FRYL: variants seen among roughly 807,000 people sequenced by gnomAD.
FRYL encodes the protein FRY like transcription coactivator.
FRYL carries 150 observed loss-of-function variants against 351.2 expected under a neutral mutation model. The ratio of observed to expected loss-of-function variants is 0.43; its 90% CI spans 0.37 to 0.49. The LOEUF (loss-of-function observed/expected upper bound fraction) is 0.49. FRYL is among the 20% of genes least tolerant of loss of function. FRYL has a pLI of 0.00. For synonymous variants in FRYL, 1,153 were observed against 1,257.1 expected (o/e 0.92, Z 1.75); for missense variants, 3,036 against 3,619.3 (o/e 0.84, Z 4.13).
intron 3 of FRYL, among the ~76,000 whole-genome samples, chr4:48,654,885 G>A (rs1295788371): frequency 6.6e-6 from 1 of 152,120 alleles, no homozygotes; most frequent in African/African-American, 2.4e-5. Context: ...GAAGAAAAAT[G>A]TCTTGGCCTC....
intron 3 of FRYL, among the ~76,000 whole-genome samples, 173 bp from the exon 4 acceptor site, chr4:48,634,663 T>C (rs369674363): frequency 1.3e-5 from 2 of 152,194 alleles, no homozygotes; most frequent in South Asian, 4.1e-4. Flanking sequence ...TATAATTTAA[T>C]TACATATCAT....
At chr4:48,517,461 T>C (rs1723871296) in intron 55 of FRYL, among the ~76,000 whole-genome samples, 1 of 152,218 alleles carries the variant, frequency 6.6e-6, no homozygotes, top group African/African-American at 2.4e-5. Flanking sequence ...TTGGGGCTGT[T>C]AGAATGGATT....
rs868736896 is a variant in FRYL at position 48,697,219 on chromosome 4, T to C, written c.-203-12424A>G. ...GACATTTCTTATAACAGCCTGAAAA[T>C]TATGACTCTTACTTTCTTTCCATTT... On this transcript the variant is annotated intron_variant, in intron 2 of 63. Transcript: ENST00000358350. 2.6e-5 allele frequency among the ~76,000 whole-genome samples: 4 copies of C among 152,150 alleles called. 1 individual carries two copies. The highest frequency in any genetic ancestry group is 3.4e-3 in the Middle Eastern group (1 of 294).
chr4:48,590,630 A>G, intron 17 of FRYL, 29 bp downstream of exon 17: 1 of 1,496,012 alleles, frequency 6.7e-7, no homozygotes, highest in South Asian at 1.2e-5. Context: ...CTGTATTACA[A>G]AGCAACATTT....
intron 47 of FRYL, among the ~76,000 whole-genome samples, chr4:48,539,703 G>C (rs1482866340): frequency 6.6e-6 from 1 of 152,150 alleles, no homozygotes; most frequent in Non-Finnish European, 1.5e-5. Context: ...AACAGACAGA[G>C]AGGCAGAAGT....
Position 48,575,131 on chromosome 4 carries a change from G to A in FRYL, c.2832C>T (p.Asn944=), listed in dbSNP as rs772106986. The change falls in exon 25 of 64, where the codon AAC becomes AAT. Residue 944 remains asparagine (N), a synonymous_variant. Transcript: ENST00000358350. ...ESLVLGLGRT[N]PGAFRELIEE... is the part of the protein sequence containing the mutation. The stretch of plus-strand genomic sequence containing the variant: ...AACATAGTTACCTAAAAGCTCCTGG[G>A]TTGGTCCTGCCAAGACCTAGAACAA... The A allele has an allele frequency of 6.3e-5, 102 of 1,613,362 alleles. 1 individual carries two copies. In the Middle Eastern group the frequency reaches 8.2e-4, roughly 13 times the overall value.
chr4:48,578,456 T>C (rs1740156528), intron 23 of FRYL, among the ~76,000 whole-genome samples: 1 of 152,206 alleles, frequency 6.6e-6, no homozygotes, highest in Non-Finnish European at 1.5e-5. Flanking sequence ...CTAACTGAAA[T>C]TTATAATGAC....
chr4:48,648,231 A>AC, intron 3 of FRYL, among the ~76,000 whole-genome samples: 1 of 152,270 alleles, frequency 6.6e-6, no homozygotes, highest in East Asian at 1.9e-4. Flanking sequence ...TGATGAAATC[A>AC]CCCCAATCAC....
intron 1 of FRYL, among the ~76,000 whole-genome samples, chr4:48,715,612 T>G (rs375991366): frequency 1.9e-3 from 295 of 151,468 alleles, no homozygotes; most frequent in East Asian, 0.015. Context: ...CACTGCTCAA[T>G]GAAATAAAAG....
In FRYL at chr4:48,567,331, T is replaced by C; in HGVS notation, c.3086A>G (p.Glu1029Gly). 1 of 1,613,170 alleles carries C rather than the reference T, an allele frequency of 6.2e-7. No individual in the cohort carries two copies. Among genetic ancestry groups the C allele is most frequent in the East Asian group, 2.2e-5 (1 of 44,776 alleles). Residue 1029 changes from glutamate to glycine, a missense_variant, in exon 28 of 64, where the codon GAA becomes GGA. Glu to Gly is a moderately conservative substitution (Grantham distance 98, BLOSUM62 -2). This residue lies in a region of FRYL where 492 missense variants were observed against 551.5 expected (regional missense o/e 0.89). Coordinates refer to ENST00000358350, the MANE Select transcript of FRYL (RefSeq NM_015030.2). This position sits in a 1 kb window ranked among gnomAD's most constrained non-coding sequence, Gnocchi z 4.2. ...VDLTRQLLEA[E>G]NEKDSDTLKD... ...CAGTGTGTCAGAGTCTTTTTCATTT[T>C]CTGCTTCCAGGAGTTGTCTAGTTAA...
chr4:48,543,905 T>C lies in FRYL; in HGVS notation c.5494A>G (p.Ile1832Val). Residue 1832 changes from isoleucine to valine, a missense_variant, in exon 44 of 64, where the codon ATT becomes GTT. By Grantham distance (29) the Ile-to-Val change is conservative (BLOSUM62 3). Around this residue, in one of 7 missense-constraint regions of FRYL, gnomAD observed 1,987 missense variants for 2,311.7 expected, o/e 0.86. Transcript: ENST00000358350. The part of the protein sequence containing the change: ...SRHYAGRSFQ[I>V]FRALKQPLTA... Reference sequence around the variant, plus strand: ...AGAGGCTGCTTTAGGGCCCTGAAAATCTGAAAGGATCTCCCAGCATAGTGT... The same window carrying C: ...AGAGGCTGCTTTAGGGCCCTGAAAACCTGAAAGGATCTCCCAGCATAGTGT... 1 of 1,613,840 alleles carries C rather than the reference T, an allele frequency of 6.2e-7. No homozygotes were observed. Among genetic ancestry groups the C allele is most frequent in the Non-Finnish European group, 8.5e-7 (1 of 1,179,854 alleles).
chr4:48,563,099 C>CT, intron 31 of FRYL, 111 bp from the exon 32 acceptor site: 3 of 638,746 alleles, frequency 4.7e-6, no homozygotes, highest in Non-Finnish European at 8.2e-6. Flanking sequence ...TCTTCTAAGC[C>CT]TATGAGGAGA....
chr4:48,688,131 T>C (rs1765340947), intron 2 of FRYL, among the ~76,000 whole-genome samples: 2 of 152,216 alleles, frequency 1.3e-5, no homozygotes, highest in Admixed American at 1.3e-4. Context: ...GAAATTCATA[T>C]TTCAACTAAA....
intron 1 of FRYL, among the ~76,000 whole-genome samples, chr4:48,751,441 A>T (rs1415864283): frequency 6.6e-6 from 1 of 152,232 alleles, no homozygotes; most frequent in Admixed American, 6.5e-5. Context: ...ATCCCAAATG[A>T]TTAAACAAGT....
Position 48,590,664 on chromosome 4 carries a change from A to C in FRYL, c.1502T>G (p.Val501Gly). ...TTAATTTCAATTAAACTAACCTATG[A>C]CTTTTGCTTCTTCATCTGTCAAGGT... is the stretch of plus-strand genomic sequence containing the variant. ...NKTLTDEEAKVIGMSVYYPQV... is the reference protein window; with the variant it reads ...NKTLTDEEAKGIGMSVYYPQV... The change falls in exon 17 of 64, where the codon GTC becomes GGC. Residue 501 changes from valine to glycine, a missense_variant. Val to Gly is a moderately radical substitution (Grantham distance 109). Around this residue, in one of 7 missense-constraint regions of FRYL, gnomAD observed 78 missense variants for 106.6 expected, o/e 0.73. Coordinates refer to ENST00000358350, the MANE Select transcript of FRYL (RefSeq NM_015030.2). 2 of 1,598,938 alleles carry C rather than the reference A, an allele frequency of 1.3e-6. 1 individual carries two copies. The highest frequency in any genetic ancestry group is 2.2e-5 in the South Asian group (2 of 89,308).
intron 56 of FRYL, among the ~76,000 whole-genome samples, chr4:48,514,118 C>A (rs6811148): frequency 0.41 from 62,568 of 151,892 alleles, 14,122 homozygotes; most frequent in Admixed American, 0.55. Flanking sequence ...TGTGTTAAAA[C>A]TCTATTATCA....
Position 48,698,696 on chromosome 4 carries a change from T to C in FRYL, c.-204+11823A>G, listed in dbSNP as rs74871870. On this transcript the variant is annotated intron_variant, in intron 2 of 63. Coordinates refer to ENST00000358350, the MANE Select transcript of FRYL (RefSeq NM_015030.2). ...ACATTCCAAATTAGTTTGGTCACTA[T>C]GGATGACCATATAGAACATGCCACC... Among the ~76,000 whole-genome samples, 240 of 152,324 alleles carry C rather than the reference T, an allele frequency of 1.6e-3. 1 individual carries two copies. The highest frequency in any genetic ancestry group is 5.6e-3 in the African/African-American group (232 of 41,580).
chr4:48,728,186 T>C (rs1009733121), intron 1 of FRYL, among the ~76,000 whole-genome samples: 7 of 152,118 alleles, frequency 4.6e-5, no homozygotes, highest in African/African-American at 1.4e-4. Flanking sequence ...TGGCAAGACA[T>C]TGGAATTATC....
chr4:48,774,076 T>C (rs1775782139), intron 1 of FRYL, among the ~76,000 whole-genome samples: 2 of 152,288 alleles, frequency 1.3e-5, no homozygotes, highest in South Asian at 2.1e-4. Flanking sequence ...TTTATTTATA[T>C]AGAATGTCCA....
Sources: gnomAD v4.1 joint callset for allele counts (sites outside exome capture counted in the v4.1 genomes callset) on GRCh38, gnomAD v4.1.1 for gene constraint, gnomAD v4.1.1 regional missense constraint, Gnocchi (gnomAD v3.1) non-coding constraint, MANE v1.5 for transcripts, NCBI Gene and HGNC (gene_info 2026-07-23, HGNC 2026-07-21) for gene names.